NDRG3: variants seen among roughly 807,000 people sequenced by gnomAD.
NDRG3 encodes the protein NDRG family member 3.
A neutral mutation model predicts 57.2 loss-of-function variants in NDRG3; 23 were observed. That is an observed-to-expected ratio of 0.40 (90% CI 0.29 to 0.57). NDRG3 has a LOEUF of 0.57. NDRG3 is among the 20% of genes least tolerant of loss of function. The pLI is 0.42. For missense variants in NDRG3, 384 were observed against 457.3 expected (o/e 0.84, Z 1.46); for synonymous variants, 132 against 162.6 (o/e 0.81, Z 1.43).
At chr20:36,728,488 A>AGATG (rs1290598751) in intron 1 of NDRG3, among the ~76,000 whole-genome samples, 1 of 152,220 alleles carries the variant, frequency 6.6e-6, no homozygotes, top group African/African-American at 2.4e-5. Context: ...ATGGATAGAT[A>AGATG]GATGGATGGA....
chr20:36,744,428 T>C (rs1202902914), intron 1 of NDRG3, among the ~76,000 whole-genome samples: 1 of 152,018 alleles, frequency 6.6e-6, no homozygotes. Flanking sequence ...TTACCAAGGA[T>C]CTACTGTGAG....
intron 1 of NDRG3, among the ~76,000 whole-genome samples, chr20:36,728,750 G>C (rs1352391605): frequency 6.6e-6 from 1 of 151,882 alleles, no homozygotes; most frequent in Non-Finnish European, 1.5e-5. Flanking sequence ...TTTTGAGACA[G>C]AGTCTCACTC....
At chr20:36,659,488 G>A (rs1016323903) in intron 13 of NDRG3, among the ~76,000 whole-genome samples, 1 of 152,100 alleles carries the variant, frequency 6.6e-6, no homozygotes, top group African/African-American at 2.4e-5. Flanking sequence ...TTTACCAGAG[G>A]TTTGGGTGGT....
intron 15 of NDRG3, 21 bp downstream of exon 15, chr20:36,656,339 A>G: frequency 6.2e-7 from 1 of 1,609,108 alleles, no homozygotes; most frequent in Non-Finnish European, 8.5e-7. Context: ...GTTGCTAGAT[A>G]GAAAGTTGTG....
intron 7 of NDRG3, among the ~76,000 whole-genome samples, chr20:36,681,250 C>A (rs1981263643): frequency 6.6e-6 from 1 of 152,078 alleles, no homozygotes; most frequent in Non-Finnish European, 1.5e-5. Flanking sequence ...TCAACAGAGG[C>A]TTCTGAAGTT....
chr20:36,712,398 T>G (rs1279394414), intron 2 of NDRG3, among the ~76,000 whole-genome samples: 1 of 143,312 alleles, frequency 7.0e-6, no homozygotes, highest in Admixed American at 7.0e-5. Flanking sequence ...TTTTTCTTTT[T>G]TTTTTTTTTT....
intron 3 of NDRG3, among the ~76,000 whole-genome samples, chr20:36,692,699 T>C (rs1982368176): frequency 6.6e-6 from 1 of 152,062 alleles, no homozygotes; most frequent in Non-Finnish European, 1.5e-5. Context: ...GCTAGCTGTA[T>C]GTATTTGTAA....
chr20:36,728,562 C>CTTGAT (rs1985085435), intron 1 of NDRG3, among the ~76,000 whole-genome samples: 2 of 152,316 alleles, frequency 1.3e-5, no homozygotes, highest in South Asian at 4.1e-4. Context: ...CTCCCTTGAA[C>CTTGAT]ATCAAGTCTG....
chr20:36,724,882 T>C (rs1410614702), intron 1 of NDRG3, among the ~76,000 whole-genome samples: 1 of 152,096 alleles, frequency 6.6e-6, no homozygotes. Flanking sequence ...TGAGCCAAGA[T>C]CTGTCAACTG....
intron 2 of NDRG3, among the ~76,000 whole-genome samples, chr20:36,710,579 C>T (rs944741766): frequency 3.3e-5 from 5 of 152,006 alleles, no homozygotes; most frequent in Non-Finnish European, 5.9e-5. Flanking sequence ...GAAGCCGAGG[C>T]GGATAGATCA....
At chr20:36,705,362 A>G (rs555385700) in intron 3 of NDRG3, among the ~76,000 whole-genome samples, 2 of 151,718 alleles carry the variant, frequency 1.3e-5, no homozygotes, top group Admixed American at 1.3e-4. Flanking sequence ...GAAAAGAAAA[A>G]AAACCCATCT....
chr20:36,688,617 T>C, intron 4 of NDRG3, 62 bp downstream of exon 4: 11 of 1,223,194 alleles, frequency 9.0e-6, no homozygotes, highest in Non-Finnish European at 1.2e-5. Context: ...TGTTGTTGTT[T>C]GGTTTTTAAC....
At chr20:36,671,639 A>G (rs367880663) in intron 8 of NDRG3, among the ~76,000 whole-genome samples, 5 of 152,146 alleles carry the variant, frequency 3.3e-5, no homozygotes, top group South Asian at 2.1e-4. Flanking sequence ...TGTCTCTACT[A>G]AAAATACAAA....
At chr20:36,712,015 G>A (rs1315476370) in intron 2 of NDRG3, among the ~76,000 whole-genome samples, 1 of 152,102 alleles carries the variant, frequency 6.6e-6, no homozygotes, top group Non-Finnish European at 1.5e-5. Context: ...TCCTGACCTC[G>A]TGATCTGCCC....
chr20:36,727,988 C>T (rs1600963828), intron 1 of NDRG3, among the ~76,000 whole-genome samples: 2 of 152,114 alleles, frequency 1.3e-5, no homozygotes, highest in African/African-American at 4.8e-5. Flanking sequence ...TGCTTCAGCC[C>T]AAGAGTTTGA....
At chr20:36,675,399 T>TG (rs937563890) in intron 8 of NDRG3, among the ~76,000 whole-genome samples, 2 of 55,722 alleles carry the variant, frequency 3.6e-5, no homozygotes, top group African/African-American at 6.1e-5. Flanking sequence ...TTTTGGGGGG[T>TG]GGGGGGGATG....
intron 2 of NDRG3, among the ~76,000 whole-genome samples, chr20:36,715,089 A>G (rs1984192906): frequency 7.1e-6 from 1 of 140,490 alleles, no homozygotes; most frequent in Admixed American, 7.4e-5. Context: ...CATTACCTTC[A>G]AAATATACTA....
chr20:36,696,866 A>G (rs989071046), intron 3 of NDRG3, among the ~76,000 whole-genome samples: 3 of 152,180 alleles, frequency 2.0e-5, no homozygotes, highest in Non-Finnish European at 2.9e-5. Context: ...TGTTCCATCT[A>G]TTGGGATTCT....
At chr20:36,731,993 T>C (rs1985314990) in intron 1 of NDRG3, among the ~76,000 whole-genome samples, 1 of 151,642 alleles carries the variant, frequency 6.6e-6, no homozygotes, top group Non-Finnish European at 1.5e-5. Context: ...TGATGGTATG[T>C]GCCTGTAGTA....
Sources: gnomAD v4.1 joint callset for allele counts (sites outside exome capture counted in the v4.1 genomes callset) on GRCh38, gnomAD v4.1.1 for gene constraint, MANE v1.5 for transcripts, NCBI Gene and HGNC (gene_info 2026-07-23, HGNC 2026-07-21) for gene names.